The following ALPK2 variants were observed in gnomAD, a reference collection of about 807,000 sequenced individuals.
ALPK2 encodes the protein alpha kinase 2, also known as alpha-protein kinase 2.
ALPK2 carries 127 observed loss-of-function variants against 163.1 expected under a neutral mutation model. The ratio of observed to expected loss-of-function variants is 0.78; its 90% CI spans 0.67 to 0.90. The LOEUF (loss-of-function observed/expected upper bound fraction) is 0.90. Among genes scored for constraint, ALPK2 ranks in the 40% least tolerant of loss-of-function variants. ALPK2 has a pLI of 0.00. For synonymous variants in ALPK2, 953 were observed against 959.1 expected, an observed-to-expected ratio of 0.99 and a Z score of 0.12; for missense variants, 2,360 against 2,589.6, an observed-to-expected ratio of 0.91 and a Z score of 1.92.
At chr18:58,555,293 T>C (rs1173610128) in intron 4 of ALPK2, among the ~76,000 whole-genome samples, 1 of 152,232 alleles carries the variant, frequency 6.6e-6, no homozygotes, top group Admixed American at 6.5e-5. Context: ...CTTTAAAATA[T>C]GTTAAAATTC....
intron 3 of ALPK2, among the ~76,000 whole-genome samples, chr18:58,587,266 G>A (rs931175944): frequency 1.3e-5 from 2 of 152,186 alleles, no homozygotes; most frequent in African/African-American, 4.8e-5. Context: ...AAGTCACTAA[G>A]CAAGCAAACA....
At chr18:58,541,498 CT>C (rs1457633231) in intron 4 of ALPK2, among the ~76,000 whole-genome samples, 1 of 152,254 alleles carries the variant, frequency 6.6e-6, no homozygotes, top group African/African-American at 2.4e-5. Flanking sequence ...TATCGCCCCT[CT>C]TACTTTTAAA....
chr18:58,527,523 A>G (rs2051590532), intron 6 of ALPK2, among the ~76,000 whole-genome samples: 2 of 152,218 alleles, frequency 1.3e-5, no homozygotes, highest in South Asian at 4.1e-4. Context: ...TCGTAAATAC[A>G]CATCAAATGG....
At chr18:58,508,455 A>G (rs550258885) in intron 10 of ALPK2, among the ~76,000 whole-genome samples, 1 of 152,336 alleles carries the variant, frequency 6.6e-6, no homozygotes, top group East Asian at 1.9e-4. Context: ...CAGGATAGAT[A>G]GGAGGTTAGC....
intron 1 of ALPK2, among the ~76,000 whole-genome samples, chr18:58,617,467 G>A (rs374211212): frequency 2.0e-5 from 3 of 152,126 alleles, no homozygotes; most frequent in Non-Finnish European, 2.9e-5. Context: ...GATTACAGGC[G>A]TGAACTACTG....
At chr18:58,562,702 G>A (rs1009589798) in intron 4 of ALPK2, among the ~76,000 whole-genome samples, 1 of 152,190 alleles carries the variant, frequency 6.6e-6, no homozygotes, top group Non-Finnish European at 1.5e-5. Flanking sequence ...GCCGTATATT[G>A]GGTGGCTTAA....
At position 58,536,377 on chromosome 18, in the gene ALPK2, G is replaced by A. The variant is rs946409850; in HGVS notation, c.3810C>T (p.Asp1270=). ...GACTATCAGGTACAGCCCAGACCTTGTCAGGAATTATGAGACCACCGTCTG... is the reference window on the plus strand; with the variant it reads ...GACTATCAGGTACAGCCCAGACCTTATCAGGAATTATGAGACCACCGTCTG... ...KASDGGLIIP[D]KVWAVPDSLK... The change falls in exon 5 of 13, where the codon GAC becomes GAT. Residue 1270 remains aspartate, a synonymous_variant. Transcript: ENST00000361673. 2.5e-6 allele frequency: 4 copies of A among 1,614,012 alleles called. No homozygotes were observed. Among genetic ancestry groups the A allele is most frequent in the Non-Finnish European group, 3.4e-6 (4 of 1,180,030 alleles).
At chr18:58,591,168 T>C (rs1402056620) in intron 3 of ALPK2, among the ~76,000 whole-genome samples, 1 of 152,196 alleles carries the variant, frequency 6.6e-6, no homozygotes, top group Non-Finnish European at 1.5e-5. Context: ...GACCTCACTG[T>C]TCCCTGTTGG....
At position 58,580,504 on chromosome 18, in the gene ALPK2, T is replaced by A. The variant is rs769220752; in HGVS notation, c.272A>T (p.Asn91Ile). The A allele has an allele frequency of 6.2e-7, 1 of 1,613,286 alleles. No individual in the cohort carries two copies. ...AGAACAACAGATCATTCCAAAAGAGTTTTTAGCCGAGATTTGATAGACAGC... is the reference window on the plus strand; with the variant it reads ...AGAACAACAGATCATTCCAAAAGAGATTTTAGCCGAGATTTGATAGACAGC... The part of the protein sequence containing the change: ...DAAVYQISAK[N>I]SFGMICCSAS... Residue 91 changes from asparagine to isoleucine, a missense_variant, in exon 4 of 13, where the codon AAC (asparagine) becomes ATC (isoleucine). Asn to Ile is a moderately radical substitution (Grantham distance 149, BLOSUM62 -3). Transcript: ENST00000361673.
intron 2 of ALPK2, among the ~76,000 whole-genome samples, chr18:58,609,677 A>G (rs1433857337): frequency 6.6e-6 from 1 of 152,198 alleles, no homozygotes; most frequent in East Asian, 1.9e-4. Context: ...GGTATCTGGT[A>G]TCTTGTGGGT....
rs1568078561 is a variant in ALPK2 at position 58,537,079 on chromosome 18, A to G, written c.3108T>C (p.Thr1036=). The G allele has an allele frequency of 2.5e-6, 4 of 1,614,234 alleles. No homozygotes were observed. Among genetic ancestry groups the G allele is most frequent in the South Asian group, 1.1e-5 (1 of 91,088 alleles). ...SIPEDKHAGG[T]EERFPRASHE... ...GGGATGCACGAGGGAACCTCTCCTC[A>G]GTGCCACCTGCATGCTTGTCCTCAG... Residue 1036 remains threonine, a synonymous_variant, in exon 5 of 13, where the codon ACT becomes ACC. Transcript: ENST00000361673.
At chr18:58,620,622 T>TA (rs941698286) in intron 1 of ALPK2, among the ~76,000 whole-genome samples, 2 of 152,132 alleles carry the variant, frequency 1.3e-5, no homozygotes, top group South Asian at 2.1e-4. Flanking sequence ...ATTTGCTTTT[T>TA]AAAAAAAATC....
intron 10 of ALPK2, among the ~76,000 whole-genome samples, chr18:58,507,078 G>T (rs936452708): frequency 6.6e-6 from 1 of 152,224 alleles, no homozygotes. Flanking sequence ...AGAGGCAAGA[G>T]GAAAATGTGA....
chr18:58,530,966 C>T (rs1222866393), intron 5 of ALPK2, among the ~76,000 whole-genome samples: 2 of 151,920 alleles, frequency 1.3e-5, no homozygotes, highest in African/African-American at 2.4e-5. Flanking sequence ...TTTTGGAGGC[C>T]GAGGCAGGAG....
rs748269191 is a variant in ALPK2 at position 58,537,913 on chromosome 18, C to G, written c.2274G>C (p.Arg758Ser). ...DETMSPGVFS[R>S]HLPKDARADF... ...CAGCACGAGCATCCTTGGGGAGATG[C>G]CTTGAGAACACACCTGGGGACATAG... Residue 758 changes from arginine (R) to serine (S), a missense_variant, in exon 5 of 13, where the codon AGG becomes AGC. By Grantham distance (110) the Arg-to-Ser change is moderately radical. Coordinates refer to ENST00000361673, the MANE Select transcript of ALPK2 (RefSeq NM_052947.4). The G allele has an allele frequency of 6.2e-7, 1 of 1,614,066 alleles. No homozygotes were observed. Among genetic ancestry groups the G allele is most frequent in the African/African-American group, 1.3e-5 (1 of 74,916 alleles).
rs777980508 is a variant in ALPK2 at position 58,535,288 on chromosome 18, C to G, written c.4899G>C (p.Glu1633Asp). 1.9e-6 allele frequency: 3 copies of G among 1,614,148 alleles called. No individual in the cohort carries two copies. The South Asian group carries it at 3.3e-5, about 18-fold the overall frequency. ...GTTTGGTTTCCCCAATTTGAAGCAC[C>G]TCTATTTTAGGTTCCTCCATTTTGT... ...ISHKMEEPKI[E>D]VLQIGETKPP... Residue 1633 changes from glutamate (E) to aspartate (D), a missense_variant, in exon 5 of 13, where the codon GAG becomes GAC. Physicochemically the swap from Glu to Asp is conservative, Grantham distance 45 (BLOSUM62 2). Coordinates refer to ENST00000361673, the MANE Select transcript of ALPK2 (RefSeq NM_052947.4).
intron 4 of ALPK2, among the ~76,000 whole-genome samples, chr18:58,554,109 C>T (rs1004295754): frequency 6.6e-6 from 1 of 152,118 alleles, no homozygotes; most frequent in Admixed American, 6.5e-5. Flanking sequence ...GATCCGCTGC[C>T]TCGGCCTCCC....
intron 4 of ALPK2, among the ~76,000 whole-genome samples, chr18:58,547,580 C>A (rs1345843546): frequency 6.6e-6 from 1 of 152,254 alleles, no homozygotes; most frequent in Non-Finnish European, 1.5e-5. Flanking sequence ...CAGTGAAAAT[C>A]ATCACAGCCA....
At chr18:58,521,597 G>A (rs1299039104) in intron 8 of ALPK2, among the ~76,000 whole-genome samples, 1 of 140,314 alleles carries the variant, frequency 7.1e-6, no homozygotes, top group African/African-American at 2.6e-5. Context: ...ATATTTGCTA[G>A]GCCATTTCTT....
Sources: gnomAD v4.1 joint callset for allele counts (sites outside exome capture counted in the v4.1 genomes callset) on GRCh38, gnomAD v4.1.1 for gene constraint, MANE v1.5 for transcripts, NCBI Gene and HGNC (gene_info 2026-07-23, HGNC 2026-07-21) for gene names.